Variants in EHD4 observed in about 807,000 individuals in gnomAD.
EHD4 encodes the protein EH domain containing 4, also known as EH domain-containing protein 4.
In EHD4, 37 loss-of-function variants were observed where a neutral mutation model predicts 51.0. That is an observed-to-expected ratio of 0.73 (90% CI 0.56 to 0.95). The LOEUF (loss-of-function observed/expected upper bound fraction) is 0.95, where lower values mean the gene tolerates loss of function less well. Ranked by LOEUF, EHD4 falls within the 40% of genes least tolerant of loss-of-function variation. The pLI, the probability that EHD4 is intolerant of heterozygous loss-of-function variation, is 0.00. For synonymous variants in EHD4, 297 were observed against 317.3 expected, an observed-to-expected ratio of 0.94 and a Z score of 0.68; for missense variants, 632 against 733.1, an observed-to-expected ratio of 0.86 and a Z score of 1.59.
chr15:41,934,348 G>C (rs1217183636), intron 3 of EHD4, among the ~76,000 whole-genome samples: 1 of 141,410 alleles, frequency 7.1e-6, no homozygotes, highest in Non-Finnish European at 1.5e-5. Flanking sequence ...ATGGAGTTTT[G>C]CTCTGTTACC....
chr15:41,903,027 G>C (rs1380696389), intron 5 of EHD4, among the ~76,000 whole-genome samples: 1 of 151,694 alleles, frequency 6.6e-6, no homozygotes, highest in Non-Finnish European at 1.5e-5. Flanking sequence ...AACTGCGAGA[G>C]TTACCTAGAG....
intron 5 of EHD4, 44 bp downstream of exon 5, chr15:41,909,655 C>A (rs1198686216): frequency 1.2e-6 from 2 of 1,607,794 alleles, no homozygotes; most frequent in Admixed American, 3.3e-5. Flanking sequence ...TGTGGCACTG[C>A]ACCTCTGCCC....
chr15:41,969,847 G>A (rs1234285159), intron 1 of EHD4, among the ~76,000 whole-genome samples: 1 of 152,154 alleles, frequency 6.6e-6, no homozygotes, highest in East Asian at 1.9e-4. Flanking sequence ...TTCCCACCAT[G>A]TCAGCACAGG....
At chr15:41,955,738 G>A (rs911653203) in intron 1 of EHD4, among the ~76,000 whole-genome samples, 1 of 152,220 alleles carries the variant, frequency 6.6e-6, no homozygotes, top group African/African-American at 2.4e-5. Context: ...GCTGGTAAAA[G>A]TTACTGTGAG....
At chr15:41,910,371 C>T (rs553368981) in intron 4 of EHD4, among the ~76,000 whole-genome samples, 2 of 152,232 alleles carry the variant, frequency 1.3e-5, no homozygotes, top group South Asian at 2.1e-4. Context: ...CTGCACAAGA[C>T]CAGCTGCCTG....
chr15:41,914,568 G>A lies in EHD4; in HGVS notation c.924+4642C>T, dbSNP rs1388647449. 2.0e-5 allele frequency among the ~76,000 whole-genome samples: 3 copies of A among 152,246 alleles called. No homozygotes were observed. The East Asian group carries it at 5.8e-4, about 29-fold the overall frequency. ...ACCGGAGGGGGCTGCACACTTGTCT[G>A]AGGTCAACCTTCAAAGAGACAGGCT... On this transcript the variant is annotated intron_variant, in intron 4 of 5. Transcript: ENST00000220325.
intron 2 of EHD4, among the ~76,000 whole-genome samples, chr15:41,947,809 T>A (rs1171485904): frequency 6.6e-6 from 1 of 152,150 alleles, no homozygotes; most frequent in Non-Finnish European, 1.5e-5. Context: ...TTTCATATGG[T>A]TCAACCTAAA....
At chr15:41,904,349 C>T (rs2067498464) in intron 5 of EHD4, among the ~76,000 whole-genome samples, 1 of 152,058 alleles carries the variant, frequency 6.6e-6, no homozygotes, top group South Asian at 2.1e-4. Flanking sequence ...CCTCCATTCT[C>T]ATCCCTGTGG....
intron 4 of EHD4, among the ~76,000 whole-genome samples, chr15:41,911,981 G>A (rs2067553013): frequency 6.6e-6 from 1 of 152,090 alleles, no homozygotes; most frequent in South Asian, 2.1e-4. Flanking sequence ...ACACTCCCTG[G>A]TGCCCAGGGC....
intron 3 of EHD4, chr15:41,942,796 T>C: frequency 1.1e-5 from 3 of 282,634 alleles, no homozygotes; most frequent in South Asian, 4.3e-5. Flanking sequence ...CCAGGTCCCC[T>C]CACACCTCGA....
chr15:41,915,220 T>C (rs1295644349), intron 4 of EHD4, among the ~76,000 whole-genome samples: 2 of 152,202 alleles, frequency 1.3e-5, no homozygotes, highest in Non-Finnish European at 2.9e-5. Context: ...GTTATTAGCC[T>C]AGAGAAAAAC....
At chr15:41,949,765 T>C (rs979177977) in intron 2 of EHD4, among the ~76,000 whole-genome samples, 1 of 152,134 alleles carries the variant, frequency 6.6e-6, no homozygotes, top group African/African-American at 2.4e-5. Flanking sequence ...TCTACAGCTA[T>C]CTGAATTTGA....
Position 41,898,898 on chromosome 15 carries a change from CTTG to C in EHD4, c.*1744_*1746del, listed in dbSNP as rs879317841. The C allele has an allele frequency of 6.6e-6, 1 of 152,082 alleles. No individual in the cohort carries two copies. Among genetic ancestry groups the C allele is most frequent in the Non-Finnish European group, 1.5e-5 (1 of 68,004 alleles). 9.4% of individuals were successfully genotyped at this position (152,082 alleles called of 1,614,324 possible). A position where few individuals can be genotyped will look rare whatever the true frequency, so the allele number is the denominator to read the frequency against. ...TCTATGCGTCTAATGAATTTAAGTG[CTTG>C]TTAAGACTAAAAACCATGTTATGCA... On this transcript the variant is annotated 3_prime_UTR_variant, in exon 6 of 6. Coordinates refer to ENST00000220325, the MANE Select transcript of EHD4 (RefSeq NM_139265.4).
rs954931063 is a variant in EHD4, at chr15:41,900,455, T to A, written c.*190A>T. On this transcript the variant is annotated 3_prime_UTR_variant, in exon 6 of 6. Coordinates refer to ENST00000220325, the MANE Select transcript of EHD4 (RefSeq NM_139265.4). This position sits in a 1 kb window ranked among gnomAD's most constrained non-coding sequence, Gnocchi z 4.8. ...CACCCCCCTACCCCCAATATTTTCA[T>A]AGAAACTAAGGGAATTTTGGAGGTG... The A allele has an allele frequency of 6.4e-6, 4 of 624,098 alleles. No homozygotes were observed. The highest frequency in any genetic ancestry group is 1.1e-5 in the Non-Finnish European group (4 of 364,896). The allele number at this position is 624,098 out of a possible 1,614,324, so 38.7% of individuals were successfully genotyped here.
intron 3 of EHD4, among the ~76,000 whole-genome samples, chr15:41,925,652 A>G (rs1358213629): frequency 6.6e-6 from 1 of 152,222 alleles, no homozygotes; most frequent in Admixed American, 6.5e-5. Context: ...AAGAGATGTA[A>G]TCAGTCCAGT....
At chr15:41,940,626 G>A (rs1039662200) in intron 3 of EHD4, among the ~76,000 whole-genome samples, 1 of 152,174 alleles carries the variant, frequency 6.6e-6, no homozygotes, top group African/African-American at 2.4e-5. Flanking sequence ...GGTGTGGCAG[G>A]GACCGCCGAC....
chr15:41,961,820 G>C (rs1252431232), intron 1 of EHD4, among the ~76,000 whole-genome samples: 2 of 152,094 alleles, frequency 1.3e-5, no homozygotes, highest in African/African-American at 2.4e-5. Context: ...CTACTTCCTG[G>C]TATTATGAAA....
chr15:41,896,594 G>T lies in EHD4; in HGVS notation c.*4051C>A, dbSNP rs563147180. ...TCTGGACCACCAAAAAGGTAGATGG[G>T]TTGGTGGGAAAAGCCAGATGCCTAC... On this transcript the variant is annotated 3_prime_UTR_variant, in exon 6 of 6. Coordinates refer to ENST00000220325, the MANE Select transcript of EHD4 (RefSeq NM_139265.4). 2 of 151,792 alleles carry T rather than the reference G, an allele frequency of 1.3e-5. No individual in the cohort carries two copies. Among genetic ancestry groups the T allele is most frequent in the Non-Finnish European group, 2.9e-5 (2 of 67,946 alleles). The allele number at this position is 151,792 out of a possible 1,614,324, so 9.4% of individuals were successfully genotyped here.
At chr15:41,919,106 C>T in intron 4 of EHD4, 104 bp downstream of exon 4, 1 of 1,478,356 alleles carries the variant, frequency 6.8e-7, no homozygotes, top group Non-Finnish European at 9.3e-7. Flanking sequence ...ATGTTCATTC[C>T]TTAAGCCTTC....
Sources: allele counts gnomAD v4.1 joint callset (sites outside exome capture counted in the v4.1 genomes callset), GRCh38; gene constraint gnomAD v4.1.1; non-coding constraint Gnocchi (gnomAD v3.1); transcripts MANE v1.5; gene names NCBI Gene and HGNC (gene_info 2026-07-23, HGNC 2026-07-21).